Variants in CSMD1 observed in about 807,000 individuals in gnomAD.
CSMD1 encodes the protein CUB and Sushi multiple domains 1.
Under a neutral mutation model 417.5 loss-of-function variants are expected in CSMD1, and 213 were observed. The ratio of observed to expected loss-of-function variants is 0.51; its 90% CI spans 0.46 to 0.57. The LOEUF (loss-of-function observed/expected upper bound fraction) is 0.57, where lower values mean the gene tolerates loss of function less well. CSMD1 is among the 20% of genes least tolerant of loss of function. CSMD1 has a pLI of 0.00. For missense variants in CSMD1, 6,923 were observed against 4,529.7 expected (o/e 1.53, Z -15.17); for synonymous variants, 2,862 against 1,736.8 (o/e 1.65, Z -16.11).
Position 4,514,715 on chromosome 8 carries a change from C to T in CSMD1, c.303-94650G>A, listed in dbSNP as rs547557999. 6.6e-5 allele frequency among the ~76,000 whole-genome samples: 10 copies of T among 152,234 alleles called. No homozygotes were observed. The East Asian group carries it at 1.7e-3, about 26-fold the overall frequency. On this transcript the variant is annotated intron_variant, in intron 2 of 69. Transcript: ENST00000635120. The stretch of plus-strand genomic sequence containing the variant: ...GTACCTAATATAGATACAAATTAAA[C>T]CTGCTATTAGTAACTTCCTCCAAAT...
chr8:3,548,224 C>T (rs574389433), intron 10 of CSMD1, among the ~76,000 whole-genome samples: 43 of 152,298 alleles, frequency 2.8e-4, no homozygotes, highest in African/African-American at 1.0e-3. Context: ...GCTGATGGAG[C>T]CATCTCAGTG....
intron 10 of CSMD1, among the ~76,000 whole-genome samples, chr8:3,546,786 G>C (rs2116746667): frequency 6.6e-6 from 1 of 152,272 alleles, no homozygotes; most frequent in Non-Finnish European, 1.5e-5. Flanking sequence ...TTTTTGAACA[G>C]GATTCTGCAG....
At chr8:3,664,005 G>A (rs753833948) in intron 7 of CSMD1, among the ~76,000 whole-genome samples, 93 of 152,152 alleles carry the variant, frequency 6.1e-4, no homozygotes, top group Non-Finnish European at 1.1e-3. Context: ...CCATTGGATG[G>A]CTTGAGTTAA....
At chr8:4,989,082 A>T (rs191425741) in intron 1 of CSMD1, among the ~76,000 whole-genome samples, 1 of 152,350 alleles carries the variant, frequency 6.6e-6, no homozygotes, top group South Asian at 2.1e-4. Context: ...TGAATACCTA[A>T]GTGCAATTAT....
chr8:3,489,243 C>T (rs1202762645), intron 11 of CSMD1, among the ~76,000 whole-genome samples: 1 of 152,252 alleles, frequency 6.6e-6, no homozygotes, highest in East Asian at 1.9e-4. Context: ...ATGGATTAAT[C>T]CAGCCCTAAG....
intron 1 of CSMD1, among the ~76,000 whole-genome samples, chr8:4,695,052 C>G (rs1300333717): frequency 6.6e-6 from 1 of 152,132 alleles, no homozygotes; most frequent in African/African-American, 2.4e-5. Context: ...CCCCTTCCCC[C>G]TTATGGGAAT....
At chr8:3,302,348 C>T (rs1168552130) in intron 25 of CSMD1, among the ~76,000 whole-genome samples, 1 of 152,136 alleles carries the variant, frequency 6.6e-6, no homozygotes, top group African/African-American at 2.4e-5. Context: ...CACAGCATCT[C>T]CTCCCTTACA....
At chr8:3,493,763 A>T in intron 10 of CSMD1, 37 bp from the exon 11 acceptor site, 1 of 1,541,360 alleles carries the variant, frequency 6.5e-7, no homozygotes, top group Non-Finnish European at 8.9e-7. Context: ...TTAGAACAAC[A>T]GGTACTTCCC....
chr8:3,955,357 C>T (rs527431070), intron 5 of CSMD1, among the ~76,000 whole-genome samples: 121 of 152,340 alleles, frequency 7.9e-4, no homozygotes, highest in Admixed American at 1.8e-3. Context: ...AAAAACCATA[C>T]ATCCCTCATC....
intron 2 of CSMD1, among the ~76,000 whole-genome samples, chr8:4,441,495 CAG>C (rs1563177074): frequency 1.3e-5 from 2 of 151,940 alleles, no homozygotes; most frequent in Admixed American, 6.6e-5. Context: ...AGGTATTTTA[CAG>C]AGAGAGAATG....
At chr8:4,126,784 C>T (rs1476895355) in intron 3 of CSMD1, among the ~76,000 whole-genome samples, 1 of 152,192 alleles carries the variant, frequency 6.6e-6, no homozygotes, top group Non-Finnish European at 1.5e-5. Flanking sequence ...AAACAGGCAA[C>T]ACTTCATTCT....
In CSMD1 at chr8:3,642,283, A is replaced by G. The variant is rs537470860; in HGVS notation, c.1010-25486T>C. Among the ~76,000 whole-genome samples the G allele has an allele frequency of 2.0e-5, 3 of 152,242 alleles. No individual in the cohort carries two copies. The South Asian group carries it at 6.2e-4, about 32-fold the overall frequency. On this transcript the variant is annotated intron_variant, in intron 7 of 69. Coordinates refer to ENST00000635120, the MANE Select transcript of CSMD1 (RefSeq NM_033225.6). ...TAAGGACTTGACTAATAGTAAATTC[A>G]CTGTGAAAAAGAGATCAGAAAGAGT... is the stretch of plus-strand genomic sequence containing the variant.
intron 1 of CSMD1, among the ~76,000 whole-genome samples, chr8:4,943,004 C>G (rs1363011209): frequency 1.3e-5 from 2 of 152,118 alleles, no homozygotes; most frequent in Non-Finnish European, 2.9e-5. Flanking sequence ...TCTCAGGACT[C>G]TGTTGAGAGT....
At chr8:4,444,676 T>A (rs986552074) in intron 2 of CSMD1, among the ~76,000 whole-genome samples, 1 of 152,160 alleles carries the variant, frequency 6.6e-6, no homozygotes, top group Non-Finnish European at 1.5e-5. Flanking sequence ...GATGACATGT[T>A]GAAAACATCA....
At chr8:3,925,485 G>C (rs911855791) in intron 5 of CSMD1, among the ~76,000 whole-genome samples, 73 of 152,162 alleles carry the variant, frequency 4.8e-4, no homozygotes, top group Admixed American at 3.3e-4. Context: ...AATGCTGGGT[G>C]GTAAGACACT....
rs560625592 is a variant in CSMD1 at position 4,342,730 on chromosome 8, G to A, written c.415+77223C>T. Reference sequence around the variant, plus strand: ...GAGGTTAGCAAAGGGAGAACATTCCGCAGTAGACAGGCTTGCAGAAGACGT... The same window carrying A: ...GAGGTTAGCAAAGGGAGAACATTCCACAGTAGACAGGCTTGCAGAAGACGT... On this transcript the variant is annotated intron_variant, in intron 3 of 69. Transcript: ENST00000635120. Among the ~76,000 whole-genome samples the A allele has an allele frequency of 1.4e-4, 22 of 152,074 alleles. 1 individual carries two copies. Among genetic ancestry groups the A allele is most frequent in the Admixed American group, 5.3e-4 (8 of 15,236 alleles).
chr8:3,662,070 G>A (rs12542268), intron 7 of CSMD1, among the ~76,000 whole-genome samples: 4,782 of 152,284 alleles, frequency 0.031, 117 homozygotes, highest in Non-Finnish European at 0.049. Flanking sequence ...CTCAGTAGTT[G>A]TGTAGAAACA....
rs748929194 is a variant in CSMD1 at position 2,962,412 on chromosome 8, G to A, written c.9628+54C>T. ...AAATGACCCAATTTCGGAATGAAGC[G>A]TCCTCATCTCCAAATACTCCCAGGT... On this transcript the variant is annotated intron_variant, in intron 61 of 69. Transcript: ENST00000635120. 6.1e-5 allele frequency: 91 copies of A among 1,490,770 alleles called. 2 individuals are homozygous for A. Among genetic ancestry groups the A allele is most frequent in the African/African-American group, 5.0e-4 (36 of 71,872 alleles). 92.3% of individuals were successfully genotyped at this position (1,490,770 alleles called of 1,614,324 possible).
Position 4,333,124 on chromosome 8 carries a change from G to A in CSMD1, c.415+86829C>T, listed in dbSNP as rs150539341. 1.1e-3 allele frequency among the ~76,000 whole-genome samples: 161 copies of A among 152,158 alleles called. 1 individual carries two copies. The Middle Eastern group carries it at 0.027, about 26-fold the overall frequency. On this transcript the variant is annotated intron_variant, in intron 3 of 69. Transcript: ENST00000635120. ...GTTTGAAAATTTGAAAATAGCAGGT[G>A]AAATCCAGCAACACCTGATTGAACA...
Sources: gnomAD v4.1 joint callset for allele counts (sites outside exome capture counted in the v4.1 genomes callset) on GRCh38, gnomAD v4.1.1 for gene constraint, MANE v1.5 for transcripts, NCBI Gene and HGNC (gene_info 2026-07-23, HGNC 2026-07-21) for gene names.